Variants in CRPPA observed in about 807,000 individuals in gnomAD.
The protein encoded by CRPPA is D-ribitol-5-phosphate cytidylyltransferase.
In CRPPA, 43 loss-of-function variants were observed where a neutral mutation model predicts 52.0. The observed-to-expected ratio is 0.83, with a 90% CI of 0.65 to 1.07. The LOEUF is 1.07. Ranked by LOEUF, CRPPA falls within the 50% of genes least tolerant of loss-of-function variation. The probability of loss-of-function intolerance (pLI) is 0.00; values close to 1 mark genes in which losing one functional copy is unlikely to be tolerated. For missense variants in CRPPA, 629 were observed against 551.7 expected (o/e 1.14, Z -1.40); for synonymous variants, 250 against 203.5 (o/e 1.23, Z -1.94).
At chr7:16,259,204 T>C (rs1031960933) in intron 6 of CRPPA, among the ~76,000 whole-genome samples, 192 bp from the exon 7 acceptor site, 2 of 151,984 alleles carry the variant, frequency 1.3e-5, no homozygotes, top group African/African-American at 2.4e-5. Context: ...GAATAATGCA[T>C]ATTTTAGCAA....
chr7:16,222,292 G>C (rs1406691427), intron 8 of CRPPA, among the ~76,000 whole-genome samples: 1 of 120,110 alleles, frequency 8.3e-6, no homozygotes, highest in Non-Finnish European at 1.7e-5. Context: ...TGGGGACTGT[G>C]TTGCGGTGGG....
intron 9 of CRPPA, among the ~76,000 whole-genome samples, chr7:16,110,485 C>A (rs368231121): frequency 1.3e-5 from 2 of 152,078 alleles, no homozygotes; most frequent in East Asian, 3.9e-4. Flanking sequence ...GCGAAAAGAG[C>A]CAAGCTGAAG....
intron 2 of CRPPA, among the ~76,000 whole-genome samples, chr7:16,402,971 G>C (rs1482895802): frequency 1.3e-5 from 2 of 152,050 alleles, no homozygotes; most frequent in East Asian, 3.9e-4. Context: ...AGTCTATACA[G>C]ACACATCACA....
intron 9 of CRPPA, among the ~76,000 whole-genome samples, chr7:16,211,643 A>G (rs1001993840): frequency 6.6e-6 from 1 of 152,208 alleles, no homozygotes. Flanking sequence ...GATCATGCAT[A>G]CTTAAAGGAT....
intron 3 of CRPPA, among the ~76,000 whole-genome samples, chr7:16,338,609 A>T (rs1785745533): frequency 6.6e-6 from 1 of 152,028 alleles, no homozygotes; most frequent in South Asian, 2.1e-4. Context: ...GGACATCAAG[A>T]TGATAAAGGA....
intron 8 of CRPPA, among the ~76,000 whole-genome samples, chr7:16,248,854 T>C (rs1783354294): frequency 6.6e-6 from 1 of 152,150 alleles, no homozygotes; most frequent in South Asian, 2.1e-4. Context: ...CAGTATACTC[T>C]TGCCCAGATA....
intron 6 of CRPPA, chr7:16,270,219 G>C (rs979604524): frequency 2.6e-5 from 4 of 152,026 alleles, no homozygotes; most frequent in African/African-American, 9.7e-5. Context: ...GAACTTGTAA[G>C]CAATGACCTC....
chr7:16,216,034 A>T (rs1407824493), intron 9 of CRPPA, 32 bp downstream of exon 9: 2 of 1,523,884 alleles, frequency 1.3e-6, no homozygotes, highest in Non-Finnish European at 1.8e-6. Context: ...AGTCTACAGA[A>T]CATACATTCG....
intron 9 of CRPPA, chr7:16,209,273 C>CTTTTTTTTTTTGTTTTTTTT (rs1782059519): frequency 8.2e-6 from 1 of 122,064 alleles, no homozygotes; most frequent in Non-Finnish European, 1.8e-5. Flanking sequence ...TTCTAAGTGT[C>CTTTTTTTTTTTGTTTTTTTT]TTTTTTTTTT....
At chr7:16,283,442 T>A (rs1784359245) in intron 5 of CRPPA, among the ~76,000 whole-genome samples, 1 of 150,160 alleles carries the variant, frequency 6.7e-6, no homozygotes, top group African/African-American at 2.4e-5. Flanking sequence ...ATATATGATA[T>A]ATATGACACT....
intron 3 of CRPPA, among the ~76,000 whole-genome samples, chr7:16,349,406 A>G (rs1022767924): frequency 1.3e-5 from 2 of 152,206 alleles, no homozygotes; most frequent in African/African-American, 4.8e-5. Context: ...AAAATGAAAA[A>G]GCAGAAATAT....
At chr7:16,243,965 GTCAA>G (rs1783197252) in intron 8 of CRPPA, among the ~76,000 whole-genome samples, 1 of 152,252 alleles carries the variant, frequency 6.6e-6, no homozygotes, top group East Asian at 1.9e-4. Context: ...TCCTGTCTCA[GTCAA>G]TCAATCAACC....
At chr7:16,266,602 C>T (rs1196810286) in intron 6 of CRPPA, among the ~76,000 whole-genome samples, 1 of 151,878 alleles carries the variant, frequency 6.6e-6, no homozygotes, top group Non-Finnish European at 1.5e-5. Context: ...CCTCAGCCTA[C>T]CAAGTAGCTG....
chr7:16,094,761 G>A (rs1174789618), intron 9 of CRPPA, among the ~76,000 whole-genome samples: 1 of 152,062 alleles, frequency 6.6e-6, no homozygotes, highest in African/African-American at 2.4e-5. Context: ...CCAAAAACCT[G>A]TACCTCCAGG....
rs151046400 is a variant in CRPPA at position 16,401,107 on chromosome 7, C to T, written c.534+4954G>A. Among the ~76,000 whole-genome samples, 480 of 152,302 alleles carry T rather than the reference C, an allele frequency of 3.2e-3. 2 individuals are homozygous for T. The highest frequency in any genetic ancestry group is 0.01 in the African/African-American group (422 of 41,566). On this transcript the variant is annotated intron_variant, in intron 2 of 9. Coordinates refer to ENST00000407010, the MANE Select transcript of CRPPA (RefSeq NM_001101426.4). ...TCAGCCCCTTTCCTGTCCCCAGAGG[C>T]TGAGCTGGTTCAAAGCCTCTAATCA...
intron 9 of CRPPA, among the ~76,000 whole-genome samples, chr7:16,110,991 T>C (rs1782251947): frequency 6.6e-6 from 1 of 151,936 alleles, no homozygotes; most frequent in South Asian, 2.1e-4. Context: ...AATCTACAGA[T>C]TGGGAGAAAA....
chr7:16,148,389 G>A (rs1416569233), intron 9 of CRPPA, among the ~76,000 whole-genome samples: 1 of 152,052 alleles, frequency 6.6e-6, no homozygotes, highest in Non-Finnish European at 1.5e-5. Context: ...TAACCTAAAT[G>A]TCCTTCAACA....
intron 2 of CRPPA, among the ~76,000 whole-genome samples, chr7:16,403,141 G>GAA (rs374587473): frequency 1.3e-5 from 2 of 151,880 alleles, no homozygotes; most frequent in African/African-American, 4.8e-5. Flanking sequence ...GTGAGGGGGG[G>GAA]AAAAAAACAG....
At chr7:16,094,289 T>A (rs1263259133) in intron 9 of CRPPA, among the ~76,000 whole-genome samples, 1 of 152,152 alleles carries the variant, frequency 6.6e-6, no homozygotes, top group Admixed American at 6.6e-5. Flanking sequence ...TTATGAAACA[T>A]GGAAATTTAA....
Sources: gnomAD v4.1 joint callset for allele counts (sites outside exome capture counted in the v4.1 genomes callset) on GRCh38, gnomAD v4.1.1 for gene constraint, MANE v1.5 for transcripts, NCBI Gene and HGNC (gene_info 2026-07-23, HGNC 2026-07-21) for gene names.